OPCML: variants seen among roughly 807,000 people sequenced by gnomAD.
OPCML encodes opioid binding protein/cell adhesion molecule like, also known as opioid-binding protein/cell adhesion molecule.
A neutral mutation model predicts 37.8 loss-of-function variants in OPCML; 13 were observed. The observed-to-expected ratio is 0.34, with a 90% CI of 0.22 to 0.55. OPCML has a LOEUF of 0.55. Ranked by LOEUF, OPCML falls within the 20% of genes least tolerant of loss-of-function variation. The probability of loss-of-function intolerance (pLI) is 0.91; values close to 1 mark genes in which losing one functional copy is unlikely to be tolerated. For missense variants in OPCML, 341 were observed against 435.6 expected, an observed-to-expected ratio of 0.78 and a Z score of 1.93; for synonymous variants, 176 against 168.8, an observed-to-expected ratio of 1.04 and a Z score of -0.33.
In OPCML at chr11:132,657,237, T is replaced by G; in HGVS notation, c.229A>C (p.Ile77Leu). The change falls in exon 3 of 8, where the codon ATA becomes CTA. Residue 77 changes from isoleucine to leucine, a missense_variant. Physicochemically the swap from Ile to Leu is conservative, Grantham distance 5. Transcript: ENST00000524381. ...ACCAGGATGATCACACGAGGGTCTA[T>G]GGACCACTTGTCATTCCCAGCGTAG... The part of the protein sequence containing the change: ...ILYAGNDKWS[I>L]DPRVIILVNT... The G allele has an allele frequency of 1.2e-6, 2 of 1,614,264 alleles. No individual in the cohort carries two copies. Among genetic ancestry groups the G allele is most frequent in the South Asian group, 2.2e-5 (2 of 91,088 alleles).
intron 1 of OPCML, among the ~76,000 whole-genome samples, chr11:133,235,969 C>A (rs79175600): frequency 0.14 from 21,619 of 152,148 alleles, 1,749 homozygotes; most frequent in South Asian, 0.32. Flanking sequence ...AGACTCCCAG[C>A]GGATGCTTAA....
chr11:132,967,692 A>G (rs970433880), intron 1 of OPCML, among the ~76,000 whole-genome samples: 4 of 152,176 alleles, frequency 2.6e-5, no homozygotes, highest in South Asian at 2.1e-4. Context: ...AGGCATTTAT[A>G]CTGCCTTTTA....
intron 1 of OPCML, among the ~76,000 whole-genome samples, chr11:133,272,886 G>C (rs982020091): frequency 9.2e-5 from 14 of 152,170 alleles, no homozygotes; most frequent in African/African-American, 3.4e-4. Flanking sequence ...GAGTCAGCAG[G>C]GGGCAGAAGA....
At chr11:132,620,976 G>T (rs548236176) in intron 3 of OPCML, among the ~76,000 whole-genome samples, 1 of 152,238 alleles carries the variant, frequency 6.6e-6, no homozygotes, top group African/African-American at 2.4e-5. Context: ...TACAATGGCA[G>T]AGGTATCTGA....
Position 132,913,880 on chromosome 11 carries a change from C to T in OPCML, c.146+29046G>A, listed in dbSNP as rs190328970. 1.4e-4 allele frequency among the ~76,000 whole-genome samples: 22 copies of T among 152,352 alleles called. 1 individual carries two copies. The East Asian group carries it at 3.3e-3, about 23-fold the overall frequency. On this transcript the variant is annotated intron_variant, in intron 2 of 7. Transcript: ENST00000524381. ...ACAAGAGAAGGTGGGCTACATAGCA[C>T]TCTCGACGGACTCCTCCCCTCTCTG...
intron 1 of OPCML, among the ~76,000 whole-genome samples, chr11:133,373,124 C>T (rs572519809): frequency 6.8e-4 from 104 of 152,124 alleles, no homozygotes; most frequent in Middle Eastern, 6.8e-3. Flanking sequence ...CAAGCTCTTA[C>T]GTTATAAAAA....
chr11:132,447,799 G>T (rs978755449), intron 4 of OPCML, among the ~76,000 whole-genome samples: 4 of 152,234 alleles, frequency 2.6e-5, no homozygotes, highest in Non-Finnish European at 5.9e-5. Context: ...AGAGGCAGTG[G>T]CTTAGGACCA....
chr11:132,961,980 C>A (rs529320890), intron 1 of OPCML, among the ~76,000 whole-genome samples: 1 of 152,198 alleles, frequency 6.6e-6, no homozygotes, highest in Non-Finnish European at 1.5e-5. Flanking sequence ...TTCTATCCTC[C>A]GTACTGTAAT....
intron 7 of OPCML, among the ~76,000 whole-genome samples, chr11:132,435,594 G>A (rs2096010356): frequency 6.6e-6 from 1 of 152,140 alleles, no homozygotes; most frequent in Non-Finnish European, 1.5e-5. Flanking sequence ...AGGGTTTGCT[G>A]CTCCAGTTGT....
chr11:133,209,269 G>A (rs991403973), intron 1 of OPCML, among the ~76,000 whole-genome samples: 1 of 152,198 alleles, frequency 6.6e-6, no homozygotes, highest in African/African-American at 2.4e-5. Context: ...GCAATACCTG[G>A]CGTGGAAAAG....
At chr11:133,110,515 GC>G (rs2137091276) in intron 1 of OPCML, among the ~76,000 whole-genome samples, 1 of 152,066 alleles carries the variant, frequency 6.6e-6, no homozygotes, top group East Asian at 1.9e-4. Context: ...AAACTAGCTT[GC>G]CATGTTAGTG....
chr11:132,744,438 C>G (rs150672733), intron 2 of OPCML, among the ~76,000 whole-genome samples: 22 of 152,308 alleles, frequency 1.4e-4, no homozygotes, highest in African/African-American at 5.3e-4. Flanking sequence ...TTCAACTCAG[C>G]GCTTTCCTGA....
At chr11:132,474,419 T>C (rs543900991) in intron 4 of OPCML, among the ~76,000 whole-genome samples, 4 of 152,284 alleles carry the variant, frequency 2.6e-5, no homozygotes, top group African/African-American at 7.2e-5. Flanking sequence ...AGCAGGAAGA[T>C]GAAACAATAG....
chr11:132,436,749 G>A lies in OPCML; in HGVS notation c.674C>T (p.Thr225Ile), dbSNP rs746296988. ...YPPYISKAKN[T>I]GVSVGQKGIL... Reference sequence around the variant, plus strand: ...GCCCTTCTGACCGACTGAAACACCAGTGTTCTTGGCTTTTGAGATATAGGG... The same window carrying A: ...GCCCTTCTGACCGACTGAAACACCAATGTTCTTGGCTTTTGAGATATAGGG... Residue 225 changes from threonine to isoleucine, a missense_variant, in exon 6 of 8, where the codon ACT becomes ATT. Thr to Ile is a moderately conservative substitution (Grantham distance 89). Transcript: ENST00000524381. The A allele has an allele frequency of 3.1e-6, 5 of 1,614,106 alleles. No individual in the cohort carries two copies. Among genetic ancestry groups the A allele is most frequent in the Admixed American group, 3.3e-5 (2 of 60,012 alleles).
chr11:133,038,826 C>CA (rs11429741), intron 1 of OPCML, among the ~76,000 whole-genome samples: 88,390 of 143,718 alleles, frequency 0.62, 27,327 homozygotes, highest in African/African-American at 0.74. Context: ...TCTATGTTGC[C>CA]AAAAAAAAAA....
At chr11:133,399,589 G>T (rs551901291) in intron 1 of OPCML, among the ~76,000 whole-genome samples, 2 of 151,958 alleles carry the variant, frequency 1.3e-5, no homozygotes, top group Non-Finnish European at 1.5e-5. Flanking sequence ...GGCATTCAGC[G>T]AACAACACAA....
At chr11:133,080,808 G>A (rs367548017) in intron 1 of OPCML, among the ~76,000 whole-genome samples, 3 of 152,186 alleles carry the variant, frequency 2.0e-5, no homozygotes, top group African/African-American at 7.2e-5. Flanking sequence ...GCATCTGTTT[G>A]TTCACCTCTT....
chr11:133,222,993 C>T (rs1032107548), intron 1 of OPCML, among the ~76,000 whole-genome samples: 1 of 152,166 alleles, frequency 6.6e-6, no homozygotes, highest in African/African-American at 2.4e-5. Context: ...AATCCCACAT[C>T]TCCCACCTCC....
intron 1 of OPCML, among the ~76,000 whole-genome samples, chr11:133,158,712 AAAAATAAAAT>A (rs560451941): frequency 0.013 from 1,693 of 134,234 alleles, 27 homozygotes; most frequent in Middle Eastern, 0.033. Flanking sequence ...ATAAAATTAA[AAAAATAAAAT>A]AAAATAAAAT....
Sources: gnomAD v4.1 joint callset for allele counts (sites outside exome capture counted in the v4.1 genomes callset) on GRCh38, gnomAD v4.1.1 for gene constraint, MANE v1.5 for transcripts, NCBI Gene and HGNC (gene_info 2026-07-23, HGNC 2026-07-21) for gene names.